The following PCDH15 variants were observed in gnomAD, a reference collection of about 807,000 sequenced individuals.
PCDH15 encodes protocadherin related 15, also known as protocadherin-15.
In PCDH15, 129 loss-of-function variants were observed where a neutral mutation model predicts 178.5. The observed-to-expected ratio is 0.72, with a 90% CI of 0.63 to 0.84. The LOEUF is 0.84. Ranked by LOEUF, PCDH15 falls within the 40% of genes least tolerant of loss-of-function variation. PCDH15 has a pLI of 0.00. For missense variants in PCDH15, 2,230 were observed against 2,099.9 expected (o/e 1.06, Z -1.21); for synonymous variants, 800 against 732.0 (o/e 1.09, Z -1.50).
chr10:55,029,418 A>C (rs1161356370), intron 2 of PCDH15, among the ~76,000 whole-genome samples: 1 of 152,094 alleles, frequency 6.6e-6, no homozygotes, highest in Non-Finnish European at 1.5e-5. Flanking sequence ...ATCAGGTTTA[A>C]ATAAATGATG....
chr10:54,268,650 G>A (rs575371937), intron 8 of PCDH15, among the ~76,000 whole-genome samples: 1 of 151,954 alleles, frequency 6.6e-6, no homozygotes, highest in South Asian at 2.1e-4. Flanking sequence ...CTAAGCAGAT[G>A]CTGGGACACA....
chr10:54,917,865 A>C (rs1049135570), intron 2 of PCDH15, among the ~76,000 whole-genome samples: 13 of 152,136 alleles, frequency 8.5e-5, no homozygotes, highest in African/African-American at 3.1e-4. Context: ...AGAAGGAGAT[A>C]TATTTTTACT....
chr10:54,941,651 T>C (rs1838065622), intron 2 of PCDH15, among the ~76,000 whole-genome samples: 1 of 152,232 alleles, frequency 6.6e-6, no homozygotes, highest in Non-Finnish European at 1.5e-5. Flanking sequence ...TATTACCTCT[T>C]TGTAGACCGT....
chr10:54,066,916 G>A (rs1221184304), intron 17 of PCDH15, 31 bp from the exon 18 acceptor site: 1 of 1,608,488 alleles, frequency 6.2e-7, no homozygotes, highest in South Asian at 1.1e-5. Context: ...TTAAATGTGA[G>A]AGGAGCTATT....
chr10:55,532,506 G>C (rs1841476598), intron 2 of PCDH15, among the ~76,000 whole-genome samples: 1 of 151,976 alleles, frequency 6.6e-6, no homozygotes, highest in Non-Finnish European at 1.5e-5. Flanking sequence ...AAACAAAATA[G>C]TTTTGCTCTT....
chr10:55,606,996 C>G (rs1404996117), intron 2 of PCDH15, among the ~76,000 whole-genome samples: 3 of 151,736 alleles, frequency 2.0e-5, no homozygotes, highest in Non-Finnish European at 4.4e-5. Flanking sequence ...ACAACCTACT[C>G]ATCTGACGAA....
chr10:54,250,008 C>T (rs1360896256), intron 8 of PCDH15, among the ~76,000 whole-genome samples: 1 of 151,752 alleles, frequency 6.6e-6, no homozygotes, highest in African/African-American at 2.4e-5. Flanking sequence ...ACCTCATGGG[C>T]TCGGACCATC....
At chr10:55,170,329 T>C (rs1413866615) in intron 1 of PCDH15, among the ~76,000 whole-genome samples, 2 of 151,416 alleles carry the variant, frequency 1.3e-5, no homozygotes, top group Admixed American at 1.3e-4. Flanking sequence ...AAAAAAAAAA[T>C]TGCAGAGACA....
intron 1 of PCDH15, among the ~76,000 whole-genome samples, chr10:54,730,164 G>A (rs1415517563): frequency 6.6e-6 from 1 of 151,500 alleles, no homozygotes; most frequent in Non-Finnish European, 1.5e-5. Flanking sequence ...ATTATCAATA[G>A]TGGACTGGAT....
chr10:55,303,638 G>T (rs2132280743), intron 1 of PCDH15, among the ~76,000 whole-genome samples: 1 of 152,022 alleles, frequency 6.6e-6, no homozygotes, highest in Non-Finnish European at 1.5e-5. Context: ...TTTGGTAGTT[G>T]GTGTTTTTTT....
intron 2 of PCDH15, among the ~76,000 whole-genome samples, chr10:55,568,962 A>G (rs1318443890): frequency 6.6e-6 from 1 of 152,022 alleles, no homozygotes; most frequent in Non-Finnish European, 1.5e-5. Flanking sequence ...GAGAGAGGGA[A>G]TGGTGGAGAG....
In PCDH15 at chr10:55,254,661, G is replaced by C. The variant is rs553675000; in HGVS notation, c.-156+64938C>G. On this transcript the variant is annotated intron_variant, in intron 1 of 5. Transcript: ENST00000458638. ...TTTAATCTTACCTACAAAAGGCAAA[G>C]CAATATGAGATATTAAAATATAATT... is the stretch of plus-strand genomic sequence containing the variant. 8.5e-5 allele frequency among the ~76,000 whole-genome samples: 13 copies of C among 152,216 alleles called. No homozygotes were observed. The South Asian group carries it at 2.5e-3, about 29-fold the overall frequency.
intron 3 of PCDH15, among the ~76,000 whole-genome samples, chr10:54,871,706 G>T (rs1036240006): frequency 1.3e-5 from 2 of 151,984 alleles, no homozygotes; most frequent in Non-Finnish European, 2.9e-5. Context: ...ACACTAATCA[G>T]TGGGACCCAG....
chr10:54,088,149 G>A (rs1011631359), intron 16 of PCDH15, among the ~76,000 whole-genome samples: 9 of 152,088 alleles, frequency 5.9e-5, no homozygotes, highest in Admixed American at 5.9e-4. Flanking sequence ...ACTCACACAT[G>A]CACATTTTAC....
chr10:54,512,188 T>C (rs2081744936), intron 3 of PCDH15, among the ~76,000 whole-genome samples: 1 of 152,210 alleles, frequency 6.6e-6, no homozygotes, highest in Non-Finnish European at 1.5e-5. Context: ...TTCCATGATA[T>C]AAATTTAATA....
At chr10:54,398,729 G>T (rs1250324382) in intron 3 of PCDH15, among the ~76,000 whole-genome samples, 1 of 151,814 alleles carries the variant, frequency 6.6e-6, no homozygotes, top group Admixed American at 6.6e-5. Flanking sequence ...TTGCTTATTT[G>T]TTGTTTTAAA....
At chr10:54,641,228 T>A (rs2093980254) in intron 2 of PCDH15, among the ~76,000 whole-genome samples, 1 of 152,220 alleles carries the variant, frequency 6.6e-6, no homozygotes, top group Non-Finnish European at 1.5e-5. Context: ...AACAATTGCA[T>A]TTGTTTTCAT....
At chr10:55,451,479 C>A (rs1473112196) in intron 2 of PCDH15, among the ~76,000 whole-genome samples, 1 of 146,274 alleles carries the variant, frequency 6.8e-6, no homozygotes, top group East Asian at 2.1e-4. Context: ...GCCTGGGAGA[C>A]AGAGTAAGAC....
chr10:54,129,127 G>A (rs1178119326), intron 15 of PCDH15, among the ~76,000 whole-genome samples: 1 of 152,034 alleles, frequency 6.6e-6, no homozygotes, highest in Non-Finnish European at 1.5e-5. Flanking sequence ...ATGATAATAA[G>A]ATCGACCTGT....
Sources: gnomAD v4.1 joint callset for allele counts (sites outside exome capture counted in the v4.1 genomes callset) on GRCh38, gnomAD v4.1.1 for gene constraint, MANE v1.5 for transcripts, NCBI Gene and HGNC (gene_info 2026-07-23, HGNC 2026-07-21) for gene names.